EPC2: variants seen among roughly 807,000 people sequenced by gnomAD.
The protein encoded by EPC2 is enhancer of polycomb homolog 2.
In EPC2, 14 loss-of-function variants were observed where a neutral mutation model predicts 92.1. The observed-to-expected ratio is 0.15, with a 90% confidence interval of 0.10 to 0.24. The LOEUF is 0.24. Ranked by LOEUF, EPC2 falls within the 10% of genes least tolerant of loss-of-function variation. EPC2 has a pLI of 1.00. For synonymous variants in EPC2, 340 were observed against 334.7 expected (o/e 1.02, Z -0.17); for missense variants, 755 against 971.5 (o/e 0.78, Z 2.96).
At chr2:148,732,767 T>A (rs2105398845) in intron 2 of EPC2, among the ~76,000 whole-genome samples, 1 of 152,276 alleles carries the variant, frequency 6.6e-6, no homozygotes. Flanking sequence ...ATTTATAGTT[T>A]GTTTGGACTC....
intron 7 of EPC2, 126 bp downstream of exon 7, chr2:148,765,272 T>C: frequency 1.8e-6 from 1 of 555,136 alleles, no homozygotes; most frequent in Non-Finnish European, 2.9e-6. Context: ...AGCATAAACA[T>C]TTCCACAGTA....
chr2:148,694,229 G>A (rs1681700159), intron 2 of EPC2, among the ~76,000 whole-genome samples: 1 of 152,316 alleles, frequency 6.6e-6, no homozygotes, highest in Non-Finnish European at 1.5e-5. Context: ...TAAAAGGTGA[G>A]TTCTGTTATT....
At chr2:148,728,426 G>A (rs561595892) in intron 2 of EPC2, among the ~76,000 whole-genome samples, 42 of 150,108 alleles carry the variant, frequency 2.8e-4, no homozygotes, top group African/African-American at 8.6e-4. Flanking sequence ...GGGTGTGCTC[G>A]TTTATTATCC....
intron 2 of EPC2, among the ~76,000 whole-genome samples, chr2:148,725,040 G>C (rs181260751): frequency 2.0e-3 from 311 of 152,132 alleles, no homozygotes; most frequent in African/African-American, 7.3e-3. Flanking sequence ...TTGGTATATA[G>C]TGTTAAGAGA....
intron 2 of EPC2, among the ~76,000 whole-genome samples, chr2:148,721,217 T>C (rs1682367263): frequency 6.6e-6 from 1 of 152,216 alleles, no homozygotes; most frequent in Admixed American, 6.5e-5. Flanking sequence ...AAGGCAGGTC[T>C]ACTGGCAACA....
At chr2:148,732,092 C>CCAGGCTCT (rs1682643147) in intron 2 of EPC2, among the ~76,000 whole-genome samples, 1 of 152,096 alleles carries the variant, frequency 6.6e-6, no homozygotes, top group African/African-American at 2.4e-5. Flanking sequence ...TGGAAGTTGT[C>CCAGGCTCT]CAGGCTCTCT....
chr2:148,743,570 G>A, intron 2 of EPC2, 52 bp from the exon 3 acceptor site: 1 of 1,401,154 alleles, frequency 7.1e-7, no homozygotes, highest in Admixed American at 2.7e-5. Flanking sequence ...GATGAACAAT[G>A]TATAATTTCA....
intron 2 of EPC2, among the ~76,000 whole-genome samples, chr2:148,702,399 G>C (rs1466412617): frequency 1.3e-5 from 2 of 152,116 alleles, no homozygotes; most frequent in African/African-American, 4.8e-5. Context: ...TTCAAAGCCA[G>C]TATAAACCTT....
At position 148,781,053 on chromosome 2, in the gene EPC2, G is replaced by T. The variant is rs545639061; in HGVS notation, c.1721-591G>T. On this transcript the variant is annotated intron_variant, in intron 10 of 13. Coordinates refer to ENST00000258484, the MANE Select transcript of EPC2 (RefSeq NM_015630.4). ...AGTATCTTCAGTTTTCTGAATACTT[G>T]TCTGATTTCTAGCCCATATTTTTAT... is the stretch of plus-strand genomic sequence containing the variant. Among the ~76,000 whole-genome samples, 7 of 152,168 alleles carry T rather than the reference G, an allele frequency of 4.6e-5. No individual in the cohort carries two copies. The South Asian group carries it at 1.2e-3, about 27-fold the overall frequency.
intron 2 of EPC2, among the ~76,000 whole-genome samples, chr2:148,726,800 T>C (rs1479991891): frequency 6.7e-6 from 1 of 150,320 alleles, no homozygotes; most frequent in Non-Finnish European, 1.5e-5. Flanking sequence ...GTTTTTGAGT[T>C]TTAGGAGTTC....
chr2:148,760,946 T>C (rs1683292035), intron 4 of EPC2, among the ~76,000 whole-genome samples: 1 of 152,158 alleles, frequency 6.6e-6, no homozygotes, highest in African/African-American at 2.4e-5. Flanking sequence ...GATGCATAGA[T>C]TGGAGAGGTG....
intron 2 of EPC2, among the ~76,000 whole-genome samples, chr2:148,726,452 A>G (rs1378189098): frequency 6.6e-6 from 1 of 152,102 alleles, no homozygotes; most frequent in Non-Finnish European, 1.5e-5. Context: ...ACTTTCTCCA[A>G]ATCCTTGCCA....
At chr2:148,778,108 A>G (rs535910855) in intron 10 of EPC2, among the ~76,000 whole-genome samples, 2 of 152,332 alleles carry the variant, frequency 1.3e-5, no homozygotes, top group Admixed American at 6.5e-5. Flanking sequence ...AAATACTCCT[A>G]CCTTCACAAA....
Position 148,769,233 on chromosome 2 carries a change from A to T in EPC2, c.1223A>T (p.Tyr408Phe). The change falls in exon 8 of 14, where the codon TAT (tyrosine) becomes TTT (phenylalanine). Residue 408 changes from tyrosine to phenylalanine, a missense_variant. This residue lies in a region of EPC2 where 509 missense variants were observed against 607.7 expected (regional missense o/e 0.84). Coordinates refer to ENST00000258484, the MANE Select transcript of EPC2 (RefSeq NM_015630.4). ...CAFRRRAGCQ[Y>F]YAPRLDQANH... ...TTCAGAAGGCGGGCAGGATGCCAGT[A>T]TTATGCTGTAAGAACTTTTGTGTGT... is the stretch of plus-strand genomic sequence containing the variant. 1 of 1,608,070 alleles carries T rather than the reference A, an allele frequency of 6.2e-7. No homozygotes were observed. Among genetic ancestry groups the T allele is most frequent in the Non-Finnish European group, 8.5e-7 (1 of 1,176,848 alleles).
chr2:148,684,212 T>G lies in EPC2; in HGVS notation c.154-6002T>G, dbSNP rs188266217. On this transcript the variant is annotated intron_variant, in intron 1 of 13. Coordinates refer to ENST00000258484, the MANE Select transcript of EPC2 (RefSeq NM_015630.4). Reference sequence around the variant, plus strand: ...TTGCCCACTTTTTGATGGGATTGTTTTTTTTCTTGCTGATTTGAGTTCCTT... The same window carrying G: ...TTGCCCACTTTTTGATGGGATTGTTGTTTTTCTTGCTGATTTGAGTTCCTT... Among the ~76,000 whole-genome samples the G allele has an allele frequency of 1.7e-4, 26 of 152,358 alleles. No individual in the cohort carries two copies. The East Asian group carries it at 4.8e-3, about 28-fold the overall frequency.
intron 3 of EPC2, among the ~76,000 whole-genome samples, chr2:148,749,492 TC>T (rs1322298065): frequency 6.3e-4 from 96 of 151,674 alleles, no homozygotes; most frequent in African/African-American, 2.1e-3. Flanking sequence ...TTTTTTTTTT[TC>T]ATCATGCAGC....
chr2:148,722,781 A>G (rs753586735), intron 2 of EPC2, among the ~76,000 whole-genome samples: 2 of 152,234 alleles, frequency 1.3e-5, no homozygotes, highest in African/African-American at 2.4e-5. Flanking sequence ...CTAAATGCCT[A>G]TCAACAGTAG....
At chr2:148,759,687 C>T (rs752894768) in intron 4 of EPC2, among the ~76,000 whole-genome samples, 2 of 151,614 alleles carry the variant, frequency 1.3e-5, no homozygotes, top group Non-Finnish European at 2.9e-5. Context: ...AATAGTACTG[C>T]TGATAATTTA....
intron 13 of EPC2, 61 bp downstream of exon 13, chr2:148,785,062 AAG>A: frequency 1.4e-6 from 2 of 1,391,402 alleles, no homozygotes; most frequent in Non-Finnish European, 9.5e-7. Context: ...TGGGAAGAAA[AAG>A]ACTTTTTTTT....
Sources: allele counts gnomAD v4.1 joint callset (sites outside exome capture counted in the v4.1 genomes callset), GRCh38; gene constraint gnomAD v4.1.1; regional missense constraint gnomAD v4.1.1; transcripts MANE v1.5; gene names NCBI Gene and HGNC (gene_info 2026-07-23, HGNC 2026-07-21).